LIMA1: variants seen among roughly 807,000 people sequenced by gnomAD.
The protein encoded by LIMA1 is LIM domain and actin-binding protein 1.
LIMA1 carries 52 observed loss-of-function variants against 62.6 expected under a neutral mutation model. The ratio of observed to expected loss-of-function variants is 0.83; its 90% CI spans 0.67 to 1.05. The LOEUF (loss-of-function observed/expected upper bound fraction) is 1.05. Among genes scored for constraint, LIMA1 ranks in the 50% least tolerant of loss-of-function variants. The probability of loss-of-function intolerance (pLI) is 0.00; values close to 1 mark genes in which losing one functional copy is unlikely to be tolerated. For missense variants in LIMA1, 780 were observed against 902.2 expected, an observed-to-expected ratio of 0.86 and a Z score of 1.74; for synonymous variants, 302 against 317.8, an observed-to-expected ratio of 0.95 and a Z score of 0.53.
chr12:50,277,996 G>A (rs1306460230), intron 1 of LIMA1, among the ~76,000 whole-genome samples: 1 of 152,166 alleles, frequency 6.6e-6, no homozygotes. Context: ...TAATATTCGG[G>A]CCGGGCGCGG....
rs770860843 is a variant in LIMA1, at chr12:50,269,415, C to T, written c.-24+14005G>A. On this transcript the variant is annotated intron_variant, in intron 1 of 10. Coordinates refer to ENST00000341247, the MANE Select transcript of LIMA1 (RefSeq NM_016357.5). ...CCTGGAAACAAAATGATCTGCAGCACGGAAAATAAACCAGAAAAGCAGTTC... is the reference window on the plus strand; with the variant it reads ...CCTGGAAACAAAATGATCTGCAGCATGGAAAATAAACCAGAAAAGCAGTTC... 9.3e-4 allele frequency among the ~76,000 whole-genome samples: 141 copies of T among 152,128 alleles called. 2 individuals are homozygous for T. The highest frequency in any genetic ancestry group is 3.4e-3 in the Middle Eastern group (1 of 294).
chr12:50,221,378 G>A (rs1941436822), intron 4 of LIMA1, among the ~76,000 whole-genome samples: 1 of 152,140 alleles, frequency 6.6e-6, no homozygotes, highest in African/African-American at 2.4e-5. Context: ...AATTCCCTCT[G>A]GGGACGAGGT....
chr12:50,204,113 C>T (rs1005350928), intron 6 of LIMA1, among the ~76,000 whole-genome samples: 2 of 152,004 alleles, frequency 1.3e-5, no homozygotes, highest in Non-Finnish European at 2.9e-5. Flanking sequence ...ACAAAAAAAA[C>T]CCTCGTTAAT....
intron 6 of LIMA1, 26 bp from the exon 7 acceptor site, chr12:50,200,910 A>AT: frequency 6.2e-7 from 1 of 1,608,818 alleles, no homozygotes. Flanking sequence ...AACTGTAAAA[A>AT]TTTTTTTAAA....
At chr12:50,277,262 CA>C (rs1395629690) in intron 1 of LIMA1, among the ~76,000 whole-genome samples, 1 of 145,318 alleles carries the variant, frequency 6.9e-6, no homozygotes, top group East Asian at 1.9e-4. Context: ...GAACCCCATT[CA>C]ATTTTTTTTT....
At chr12:50,182,341 G>A (rs1049205542) in intron 9 of LIMA1, among the ~76,000 whole-genome samples, 8 of 151,998 alleles carry the variant, frequency 5.3e-5, no homozygotes, top group Admixed American at 4.6e-4. Context: ...TTAGGAGCAG[G>A]GGATGGGGGA....
chr12:50,194,254 G>A (rs1249752223), intron 8 of LIMA1, among the ~76,000 whole-genome samples: 1 of 151,696 alleles, frequency 6.6e-6, no homozygotes, highest in African/African-American at 2.4e-5. Context: ...CTCCCAAAGT[G>A]CTGGGATTAC....
rs563226421 is a variant in LIMA1, at chr12:50,175,918, T to C, written c.*1146A>G. On this transcript the variant is annotated 3_prime_UTR_variant, in exon 11 of 11. Transcript: ENST00000341247. ...TATAAATGCAGTACAAAGAAAAGCC[T>C]ACAGCTTAAGACACCTCTCCCTCCC... The C allele has an allele frequency of 6.6e-6, 1 of 152,156 alleles. No homozygotes were observed. The highest frequency in any genetic ancestry group is 1.5e-5 in the Non-Finnish European group (1 of 68,030). 9.4% of individuals were successfully genotyped at this position (152,156 alleles called of 1,614,324 possible). A position where few individuals can be genotyped will look rare whatever the true frequency, so the allele number is the denominator to read the frequency against.
chr12:50,280,076 C>G lies in LIMA1; in HGVS notation c.-24+3344G>C, dbSNP rs550766556. On this transcript the variant is annotated intron_variant, in intron 1 of 10. Transcript: ENST00000341247. ...GGGAAAATAGATCCACACTTGTTAT[C>G]AGAAGTACAAAAAAGTTGCATCTTT... Among the ~76,000 whole-genome samples, 8 of 148,112 alleles carry G rather than the reference C, an allele frequency of 5.4e-5. No homozygotes were observed. In the South Asian group the frequency reaches 1.7e-3, roughly 32 times the overall value.
intron 7 of LIMA1, among the ~76,000 whole-genome samples, chr12:50,199,093 G>A (rs566141317): frequency 2.6e-5 from 4 of 152,316 alleles, no homozygotes; most frequent in Admixed American, 1.3e-4. Flanking sequence ...ACTTTGGGAG[G>A]CCAAGGCGGG....
intron 3 of LIMA1, among the ~76,000 whole-genome samples, chr12:50,228,249 G>A (rs957468687): frequency 1.3e-5 from 2 of 152,052 alleles, no homozygotes. Flanking sequence ...TATTCTTCTT[G>A]TGTCTTCAGG....
intron 9 of LIMA1, among the ~76,000 whole-genome samples, chr12:50,183,488 G>C (rs1270244407): frequency 1.3e-5 from 2 of 152,088 alleles, no homozygotes; most frequent in Non-Finnish European, 2.9e-5. Flanking sequence ...AAATGAACCA[G>C]GTTATGGGCA....
At chr12:50,198,353 C>T (rs550045435) in intron 7 of LIMA1, among the ~76,000 whole-genome samples, 1 of 152,078 alleles carries the variant, frequency 6.6e-6, no homozygotes, top group Non-Finnish European at 1.5e-5. Flanking sequence ...TGAGACCATT[C>T]TGAGAATTAT....
intron 9 of LIMA1, chr12:50,191,361 T>TA (rs34835906): frequency 0.31 from 34,092 of 110,278 alleles, 5,399 homozygotes; most frequent in East Asian, 0.72. Context: ...TCACATCTCT[T>TA]AAAAAAAAAA....
At chr12:50,274,722 G>A (rs919369068) in intron 1 of LIMA1, among the ~76,000 whole-genome samples, 11 of 152,126 alleles carry the variant, frequency 7.2e-5, no homozygotes, top group Non-Finnish European at 1.2e-4. Flanking sequence ...ACAGGGACAC[G>A]AACAGCTTCT....
At position 50,177,995 on chromosome 12, in the gene LIMA1, C is replaced by T; in HGVS notation, c.1349G>A (p.Gly450Asp). 6.3e-7 allele frequency: 1 copy of T among 1,598,818 alleles called. No individual in the cohort carries two copies. The highest frequency in any genetic ancestry group is 8.5e-7 in the Non-Finnish European group (1 of 1,175,452). Residue 450 changes from glycine (G) to aspartate (D), a missense_variant, in exon 11 of 11, where the codon GGC (glycine) becomes GAC (aspartate). By Grantham distance (94) the Gly-to-Asp change is moderately conservative. Transcript: ENST00000341247. ...PHFNQLFKSK[G>D]NYDEGFGHRP... ...GTGCCCAAAGCCTTCATCATAGTTG[C>T]CCTTAGATTTAAAGAGTTGATTGAA...
intron 1 of LIMA1, among the ~76,000 whole-genome samples, chr12:50,252,073 C>A (rs562583264): frequency 6.6e-6 from 1 of 152,222 alleles, no homozygotes; most frequent in African/African-American, 2.4e-5. Flanking sequence ...ATTTATAGTA[C>A]AAGACAGAAT....
At chr12:50,202,025 G>T (rs1345796563) in intron 6 of LIMA1, 1 of 152,208 alleles carries the variant, frequency 6.6e-6, no homozygotes, top group Admixed American at 6.5e-5. Flanking sequence ...TTTAGGCATG[G>T]GAGGAAACAA....
chr12:50,193,667 T>TATATA (rs1491331766), intron 8 of LIMA1, among the ~76,000 whole-genome samples: 60 of 52,560 alleles, frequency 1.1e-3, no homozygotes, highest in African/African-American at 3.2e-3. Flanking sequence ...TATATATATA[T>TATATA]TTTTTTTTTT....
Sources: gnomAD v4.1 joint callset for allele counts (sites outside exome capture counted in the v4.1 genomes callset) on GRCh38, gnomAD v4.1.1 for gene constraint, MANE v1.5 for transcripts, NCBI Gene and HGNC (gene_info 2026-07-23, HGNC 2026-07-21) for gene names.